ANKRD42: variants seen among roughly 807,000 people sequenced by gnomAD.
The protein encoded by ANKRD42 is ankyrin repeat domain-containing protein 42.
In ANKRD42, 43 loss-of-function variants were observed where a neutral mutation model predicts 51.5. That is an observed-to-expected ratio of 0.83 (90% confidence interval 0.65 to 1.08). The LOEUF (loss-of-function observed/expected upper bound fraction) is 1.08, where lower values mean the gene tolerates loss of function less well. Among genes scored for constraint, ANKRD42 ranks in the 50% least tolerant of loss-of-function variants. ANKRD42 has a pLI of 0.00. For synonymous variants in ANKRD42, 203 were observed against 213.0 expected, an observed-to-expected ratio of 0.95 and a Z score of 0.41; for missense variants, 608 against 629.3, an observed-to-expected ratio of 0.97 and a Z score of 0.36.
chr11:83,227,915 T>C, intron 7 of ANKRD42, 43 bp downstream of exon 7: 1 of 1,547,222 alleles, frequency 6.5e-7, no homozygotes, highest in Non-Finnish European at 8.7e-7. Context: ...CAATAGCTGC[T>C]GAGTTATTCA....
chr11:83,242,510 G>A (rs1863416836), intron 9 of ANKRD42, among the ~76,000 whole-genome samples: 2 of 151,222 alleles, frequency 1.3e-5, no homozygotes, highest in African/African-American at 4.9e-5. Context: ...GTTAGAAAAA[G>A]AGGGTAATCA....
intron 5 of ANKRD42, chr11:83,213,564 TAG>T: frequency 8.3e-7 from 1 of 1,209,552 alleles, no homozygotes; most frequent in Admixed American, 3.9e-5. Context: ...TTTTTTTTTT[TAG>T]TTTTAGTCTT....
intron 2 of ANKRD42, among the ~76,000 whole-genome samples, chr11:83,204,438 C>G (rs1861991068): frequency 6.6e-6 from 1 of 152,004 alleles, no homozygotes; most frequent in South Asian, 2.1e-4. Context: ...ATTGGGTACA[C>G]ATGGACAAAG....
intron 3 of ANKRD42, chr11:83,209,747 G>T: frequency 1.5e-6 from 1 of 656,942 alleles, no homozygotes; most frequent in East Asian, 2.7e-5. Flanking sequence ...TTCATATTTA[G>T]AAGATGTTCA....
chr11:83,248,252 A>G lies in ANKRD42; in HGVS notation c.*48A>G. 6.9e-7 allele frequency: 1 copy of G among 1,445,762 alleles called. No individual in the cohort carries two copies. Among genetic ancestry groups the G allele is most frequent in the South Asian group, 1.5e-5 (1 of 68,446 alleles). The allele number at this position is 1,445,762 out of a possible 1,614,324, so 89.6% of individuals were successfully genotyped here. ...TTTGTGCCTCAACTATAAACTGGAGATGATAACTTATACTTTCTAGAGCTG... is the reference window on the plus strand; with the variant it reads ...TTTGTGCCTCAACTATAAACTGGAGGTGATAACTTATACTTTCTAGAGCTG... On this transcript the variant is annotated 3_prime_UTR_variant, in exon 11 of 11. Coordinates refer to ENST00000533342, the MANE Select transcript of ANKRD42 (RefSeq NM_001300975.2).
chr11:83,254,716 T>C (rs1863736550), intron 11 of ANKRD42, among the ~76,000 whole-genome samples: 1 of 152,222 alleles, frequency 6.6e-6, no homozygotes, highest in Non-Finnish European at 1.5e-5. Context: ...CCACCGCACC[T>C]GGCCTCATCT....
intron 8 of ANKRD42, among the ~76,000 whole-genome samples, chr11:83,239,227 G>A (rs1863315289): frequency 6.6e-6 from 1 of 152,080 alleles, no homozygotes; most frequent in South Asian, 2.1e-4. Context: ...CTTTGATGAA[G>A]TGATTATTCA....
intron 11 of ANKRD42, among the ~76,000 whole-genome samples, chr11:83,255,560 C>T (rs568626830): frequency 5.3e-5 from 8 of 152,252 alleles, no homozygotes; most frequent in African/African-American, 1.2e-4. Flanking sequence ...TGAGATAAGA[C>T]GGAAAATTGG....
intron 2 of ANKRD42, among the ~76,000 whole-genome samples, chr11:83,201,982 A>T (rs1031935343): frequency 6.6e-6 from 1 of 152,080 alleles, no homozygotes; most frequent in African/African-American, 2.4e-5. Flanking sequence ...GTTGTGCAGA[A>T]GCTCTTTAGT....
chr11:83,239,697 T>G (rs574982), intron 8 of ANKRD42, among the ~76,000 whole-genome samples: 67,929 of 151,888 alleles, frequency 0.45, 15,736 homozygotes, highest in African/African-American at 0.58. Context: ...GATGTATGTG[T>G]GGGCTTAATT....
chr11:83,222,388 G>A (rs756627340), intron 5 of ANKRD42, among the ~76,000 whole-genome samples: 1 of 152,208 alleles, frequency 6.6e-6, no homozygotes, highest in Non-Finnish European at 1.5e-5. Flanking sequence ...CCTACATGTG[G>A]TGCTGAGGGG....
intron 5 of ANKRD42, chr11:83,213,273 T>C (rs1862399490): frequency 3.1e-6 from 5 of 1,596,246 alleles, no homozygotes; most frequent in Non-Finnish European, 4.3e-6. Flanking sequence ...GTGCTGCTGA[T>C]GTGCAACAGA....
At chr11:83,236,559 C>T (rs191952747) in intron 8 of ANKRD42, 50 bp downstream of exon 8, 75 of 1,453,750 alleles carry the variant, frequency 5.2e-5, no homozygotes, top group South Asian at 2.1e-4. Flanking sequence ...TAAAGTTTTG[C>T]GTATACTTTT....
chr11:83,194,849 T>C (rs945608329), intron 1 of ANKRD42, 121 bp downstream of exon 1: 4 of 1,023,186 alleles, frequency 3.9e-6, no homozygotes, highest in Non-Finnish European at 5.6e-6. Context: ...CTTTCCCTTT[T>C]TAATTTATTT....
At chr11:83,194,937 A>G (rs1162870721) in intron 1 of ANKRD42, among the ~76,000 whole-genome samples, 2 of 151,964 alleles carry the variant, frequency 1.3e-5, no homozygotes, top group Non-Finnish European at 2.9e-5. Context: ...CATCCACACT[A>G]TTCCTCCGAG....
intron 1 of ANKRD42, among the ~76,000 whole-genome samples, chr11:83,196,419 G>A (rs1207857866): frequency 2.0e-5 from 3 of 151,868 alleles, no homozygotes; most frequent in Non-Finnish European, 2.9e-5. Context: ...GTGTGTGTGT[G>A]TGTGTGTGTG....
In ANKRD42 at chr11:83,248,887, A is replaced by G. The variant is rs551964220; in HGVS notation, c.*683A>G. The G allele has an allele frequency of 9.2e-6, 9 of 983,498 alleles. No homozygotes were observed. The East Asian group carries it at 3.4e-4, about 37-fold the overall frequency. 60.9% of individuals were successfully genotyped at this position (983,498 alleles called of 1,614,324 possible). A position where few individuals can be genotyped will look rare whatever the true frequency, so the allele number is the denominator to read the frequency against. On this transcript the variant is annotated 3_prime_UTR_variant, in exon 11 of 11. Transcript: ENST00000533342. ...GTATGTGTATTTCTATGCATATGCA[A>G]ATATAACCACTTCCTCAGTTTCTCT... is the stretch of plus-strand genomic sequence containing the variant.
intron 3 of ANKRD42, among the ~76,000 whole-genome samples, chr11:83,207,020 A>G (rs1278438531): frequency 6.6e-6 from 1 of 152,232 alleles, no homozygotes; most frequent in East Asian, 1.9e-4. Flanking sequence ...TAAAGAAAAA[A>G]GGTTTAGATG....
intron 7 of ANKRD42, 38 bp downstream of exon 7, chr11:83,227,910 GC>G: frequency 1.9e-6 from 3 of 1,553,960 alleles, no homozygotes; most frequent in Non-Finnish European, 2.6e-6. Context: ...GGATACAATA[GC>G]TGCTGAGTTA....
Sources: allele counts gnomAD v4.1 joint callset (sites outside exome capture counted in the v4.1 genomes callset), GRCh38; gene constraint gnomAD v4.1.1; transcripts MANE v1.5; gene names NCBI Gene and HGNC (gene_info 2026-07-23, HGNC 2026-07-21).